Variants in SEM1 observed in about 807,000 individuals in gnomAD.
The protein encoded by SEM1 is SEM1 26S proteasome subunit, also known as 26S proteasome complex subunit SEM1.
SEM1 carries 3 observed loss-of-function variants against 12.7 expected under a neutral mutation model. That is an observed-to-expected ratio of 0.24 (90% CI 0.11 to 0.61). SEM1 has a LOEUF of 0.61. Ranked by LOEUF, SEM1 falls within the 20% of genes least tolerant of loss-of-function variation. The probability of loss-of-function intolerance (pLI) is 0.88; values close to 1 mark genes in which losing one functional copy is unlikely to be tolerated. For missense variants in SEM1, 59 were observed against 81.3 expected (o/e 0.73, Z 1.06); for synonymous variants, 30 against 27.8 (o/e 1.08, Z -0.25).
intron 2 of SEM1, among the ~76,000 whole-genome samples, chr7:96,656,799 G>A (rs996199955): frequency 4.0e-5 from 6 of 151,674 alleles, no homozygotes; most frequent in South Asian, 2.1e-4. Flanking sequence ...CTCTCCAACT[G>A]TTGGGGCTGA....
At chr7:96,517,921 A>G (rs186485004) in intron 2 of SEM1, among the ~76,000 whole-genome samples, 1 of 152,254 alleles carries the variant, frequency 6.6e-6, no homozygotes, top group East Asian at 1.9e-4. Context: ...ATGCACAGGT[A>G]TATATGTAGA....
intron 2 of SEM1, among the ~76,000 whole-genome samples, chr7:96,648,481 A>C (rs145748622): frequency 2.2e-4 from 34 of 152,334 alleles, no homozygotes; most frequent in African/African-American, 8.2e-4. Flanking sequence ...CCATCTTAAA[A>C]AGGGAATATC....
chr7:96,668,417 AAAAT>A (rs1192346215), intron 2 of SEM1, among the ~76,000 whole-genome samples: 1 of 152,234 alleles, frequency 6.6e-6, no homozygotes, highest in African/African-American at 2.4e-5. Context: ...TCTCTGCTAT[AAAAT>A]AAATAAAAAT....
At chr7:96,485,533 A>ATTTTT (rs1802715905) in intron 2 of SEM1, among the ~76,000 whole-genome samples, 2 of 88,762 alleles carry the variant, frequency 2.3e-5, no homozygotes, top group Non-Finnish European at 4.6e-5. Flanking sequence ...CCATCTCTAC[A>ATTTTT]TTCTTTTTTT....
At chr7:96,508,191 A>G (rs1482637485) in intron 2 of SEM1, among the ~76,000 whole-genome samples, 1 of 152,106 alleles carries the variant, frequency 6.6e-6, no homozygotes, top group Non-Finnish European at 1.5e-5. Flanking sequence ...AGAGAATGAG[A>G]GCTGCTTAGA....
rs1459407516 is a variant in SEM1 at position 96,513,024 on chromosome 7, G to A, written c.171-6326C>T. Among the ~76,000 whole-genome samples the A allele has an allele frequency of 6.6e-5, 10 of 152,034 alleles. No individual in the cohort carries two copies. In the East Asian group the frequency reaches 1.2e-3, roughly 18 times the overall value. On this transcript the variant is annotated intron_variant and NMD_transcript_variant, in intron 2 of 3. Transcript: ENST00000466986. ...CCTCATTCCCAGAACTTGTGAATTCGATCATATTTGGAAACAGGATCTTTG... is the reference window on the plus strand; with the variant it reads ...CCTCATTCCCAGAACTTGTGAATTCAATCATATTTGGAAACAGGATCTTTG...
At chr7:96,651,449 A>G (rs1268091988) in intron 2 of SEM1, among the ~76,000 whole-genome samples, 1 of 152,194 alleles carries the variant, frequency 6.6e-6, no homozygotes, top group African/African-American at 2.4e-5. Context: ...GGCAGAGTCA[A>G]GAACTAGGAC....
chr7:96,558,631 C>T (rs1397246473), intron 2 of SEM1, among the ~76,000 whole-genome samples: 2 of 152,020 alleles, frequency 1.3e-5, no homozygotes, highest in African/African-American at 4.8e-5. Context: ...AGGGAGTTCA[C>T]AAGGCAGAGA....
chr7:96,512,005 C>G (rs1213991881), intron 2 of SEM1, among the ~76,000 whole-genome samples: 1 of 152,116 alleles, frequency 6.6e-6, no homozygotes, highest in East Asian at 1.9e-4. Context: ...TGAGGTGCTG[C>G]TGCTGCTGTT....
chr7:96,484,648 A>G (rs749661103), intron 3 of SEM1, among the ~76,000 whole-genome samples: 11 of 152,178 alleles, frequency 7.2e-5, no homozygotes, highest in Non-Finnish European at 1.5e-4. Context: ...ACAAGTAGAT[A>G]CAGAAGCCAG....
At chr7:96,571,789 C>G (rs1806038505) in intron 2 of SEM1, among the ~76,000 whole-genome samples, 1 of 151,896 alleles carries the variant, frequency 6.6e-6, no homozygotes. Flanking sequence ...GTTTTGGTAT[C>G]AGGATGATGC....
At chr7:96,575,244 G>A (rs1352736223) in intron 2 of SEM1, among the ~76,000 whole-genome samples, 1 of 152,184 alleles carries the variant, frequency 6.6e-6, no homozygotes, top group Non-Finnish European at 1.5e-5. Flanking sequence ...GTCTGCTGAA[G>A]TTTGCTGGAG....
downstream of SEM1, among the ~76,000 whole-genome samples, chr7:96,619,801 T>A (rs1182691366): frequency 6.6e-6 from 1 of 151,992 alleles, no homozygotes. Flanking sequence ...TTGTCCTAAG[T>A]GTGCTCAGGA....
intron 2 of SEM1, among the ~76,000 whole-genome samples, chr7:96,552,946 T>A (rs1353423041): frequency 1.3e-5 from 2 of 151,080 alleles, no homozygotes; most frequent in Admixed American, 6.6e-5. Context: ...TGATGGCCAG[T>A]GATGATGAGC....
intron 2 of SEM1, among the ~76,000 whole-genome samples, chr7:96,531,880 C>A (rs1804653579): frequency 6.6e-6 from 1 of 151,976 alleles, no homozygotes; most frequent in South Asian, 2.1e-4. Context: ...CTATTTAGTT[C>A]CCAATATTTT....
intron 2 of SEM1, among the ~76,000 whole-genome samples, chr7:96,593,569 G>C (rs1025198715): frequency 3.3e-5 from 5 of 152,148 alleles, no homozygotes; most frequent in African/African-American, 1.2e-4. Context: ...GTAAATGCTG[G>C]AGAGTAATTC....
At chr7:96,492,065 T>C (rs1334856281) in intron 1 of SEM1, among the ~76,000 whole-genome samples, 1 of 152,156 alleles carries the variant, frequency 6.6e-6, no homozygotes, top group Non-Finnish European at 1.5e-5. Context: ...CATTTTTCTA[T>C]TTGGAAGTAT....
chr7:96,688,698 G>T, downstream of SEM1: 1 of 399,836 alleles, frequency 2.5e-6, no homozygotes, highest in Non-Finnish European at 4.3e-6. Context: ...TATATAATAA[G>T]GTTTTGGAAA....
At chr7:96,550,839 T>C (rs1685267036) in intron 2 of SEM1, among the ~76,000 whole-genome samples, 1 of 152,100 alleles carries the variant, frequency 6.6e-6, no homozygotes. Flanking sequence ...GATTGGCCTA[T>C]GCGATCAAAA....
Sources: allele counts gnomAD v4.1 joint callset (sites outside exome capture counted in the v4.1 genomes callset), GRCh38; gene constraint gnomAD v4.1.1; transcripts MANE v1.5; gene names NCBI Gene and HGNC (gene_info 2026-07-23, HGNC 2026-07-21).